The following ATP8A1 variants were observed in gnomAD, a reference collection of about 807,000 sequenced individuals.
ATP8A1 encodes phospholipid-transporting ATPase IA.
ATP8A1 carries 90 observed loss-of-function variants against 177.7 expected under a neutral mutation model. The ratio of observed to expected loss-of-function variants is 0.51; its 90% CI spans 0.43 to 0.60. The LOEUF (loss-of-function observed/expected upper bound fraction) is 0.60, where lower values mean the gene tolerates loss of function less well. Ranked by LOEUF, ATP8A1 falls within the 20% of genes least tolerant of loss-of-function variation. ATP8A1 has a pLI of 0.00. For missense variants in ATP8A1, 1,072 were observed against 1,392.8 expected, an observed-to-expected ratio of 0.77 and a Z score of 3.67; for synonymous variants, 493 against 485.9, an observed-to-expected ratio of 1.01 and a Z score of -0.19.
At chr4:42,433,479 A>C (rs527891981) in intron 33 of ATP8A1, among the ~76,000 whole-genome samples, 9 of 152,218 alleles carry the variant, frequency 5.9e-5, no homozygotes, top group Non-Finnish European at 1.0e-4. Context: ...TTGGGCTCTT[A>C]CATGGGATGG....
At chr4:42,446,210 C>A (rs1717232266) in intron 31 of ATP8A1, among the ~76,000 whole-genome samples, 1 of 151,928 alleles carries the variant, frequency 6.6e-6, no homozygotes, top group Non-Finnish European at 1.5e-5. Context: ...CTATTTCTAC[C>A]CACTGCTCTG....
At chr4:42,532,585 A>C (rs1308235062) in intron 20 of ATP8A1, among the ~76,000 whole-genome samples, 1 of 152,206 alleles carries the variant, frequency 6.6e-6, no homozygotes, top group Non-Finnish European at 1.5e-5. Context: ...GCCCAAAGCA[A>C]TCTATAGATT....
intron 14 of ATP8A1, among the ~76,000 whole-genome samples, chr4:42,572,816 G>C (rs1475515642): frequency 1.3e-5 from 2 of 152,156 alleles, no homozygotes; most frequent in African/African-American, 4.8e-5. Flanking sequence ...TTAAAGAGTA[G>C]GGAATATCTG....
At chr4:42,571,313 A>AT (rs1560472166) in intron 14 of ATP8A1, among the ~76,000 whole-genome samples, 1 of 152,180 alleles carries the variant, frequency 6.6e-6, no homozygotes, top group Non-Finnish European at 1.5e-5. Context: ...TTAAAAACTT[A>AT]TTTTTCATTT....
intron 20 of ATP8A1, 65 bp from the exon 21 acceptor site, chr4:42,524,912 G>A: frequency 9.9e-7 from 1 of 1,014,694 alleles, no homozygotes; most frequent in Non-Finnish European, 1.5e-6. Flanking sequence ...AGTTGATGTT[G>A]GTAACAATAG....
At chr4:42,432,355 G>A (rs1715404052) in intron 33 of ATP8A1, among the ~76,000 whole-genome samples, 1 of 152,148 alleles carries the variant, frequency 6.6e-6, no homozygotes, top group Non-Finnish European at 1.5e-5. Context: ...TAGAATGCTA[G>A]AGTCCTCTCT....
intron 25 of ATP8A1, among the ~76,000 whole-genome samples, chr4:42,480,546 CTTCAT>C (rs1413730671): frequency 6.6e-6 from 1 of 152,102 alleles, no homozygotes; most frequent in Non-Finnish European, 1.5e-5. Context: ...CATTTATTAG[CTTCAT>C]TTGTGCTTTA....
At chr4:42,510,323 A>G (rs1167100225) in intron 22 of ATP8A1, among the ~76,000 whole-genome samples, 1 of 152,218 alleles carries the variant, frequency 6.6e-6, no homozygotes, top group Non-Finnish European at 1.5e-5. Flanking sequence ...TATCATCAAG[A>G]AGTTCAAGCA....
At chr4:42,581,090 T>C (rs553776990) in intron 10 of ATP8A1, among the ~76,000 whole-genome samples, 52 of 152,264 alleles carry the variant, frequency 3.4e-4, no homozygotes, top group African/African-American at 1.2e-3. Flanking sequence ...TCATGCATAA[T>C]CCCTGGTGAA....
In ATP8A1 at chr4:42,459,750, CTT is replaced by C. The variant is rs534320362; in HGVS notation, c.2620-4153_2620-4152del. On this transcript the variant is annotated intron_variant, in intron 27 of 36. Coordinates refer to ENST00000381668, the MANE Select transcript of ATP8A1 (RefSeq NM_006095.2). ...TGAACGAGTAAGTTCATTTACGTAT[CTT>C]GTTTATATTTCCACATATTAGGTTA... Among the ~76,000 whole-genome samples, 476 of 152,124 alleles carry C rather than the reference CTT, an allele frequency of 3.1e-3. 2 individuals carry two copies. The highest frequency in any genetic ancestry group is 6.8e-3 in the Middle Eastern group (2 of 292).
intron 35 of ATP8A1, chr4:42,414,929 T>C (rs1713061173): frequency 1.9e-6 from 1 of 534,874 alleles, no homozygotes; most frequent in Admixed American, 3.2e-5. Flanking sequence ...CTAAGGAGTT[T>C]GGTCCCCAAT....
intron 1 of ATP8A1, 121 bp downstream of exon 1, chr4:42,656,704 G>T: frequency 1.6e-6 from 2 of 1,229,028 alleles, no homozygotes; most frequent in South Asian, 1.9e-5. Context: ...GGCCGGGCGC[G>T]ACAGTCGGAC....
chr4:42,630,426 A>T (rs761579442), intron 1 of ATP8A1, among the ~76,000 whole-genome samples: 5 of 152,172 alleles, frequency 3.3e-5, no homozygotes, highest in Non-Finnish European at 7.4e-5. Context: ...TGACGCTTTT[A>T]TGTCATCCCC....
At chr4:42,619,088 C>T (rs4861206) in intron 4 of ATP8A1, among the ~76,000 whole-genome samples, 2,773 of 151,350 alleles carry the variant, frequency 0.018, 73 homozygotes, top group African/African-American at 0.063. Flanking sequence ...CTCATTCTGT[C>T]GTCCAGGCTG....
intron 12 of ATP8A1, among the ~76,000 whole-genome samples, chr4:42,577,744 G>A (rs1239655054): frequency 6.6e-6 from 1 of 152,098 alleles, no homozygotes; most frequent in Non-Finnish European, 1.5e-5. Flanking sequence ...ATTGTTTACA[G>A]TGTAGAAAAT....
intron 22 of ATP8A1, among the ~76,000 whole-genome samples, chr4:42,518,596 G>A (rs905021102): frequency 2.0e-5 from 3 of 151,998 alleles, no homozygotes; most frequent in African/African-American, 7.2e-5. Context: ...ATGTTTGCTT[G>A]GAAAATTCTG....
chr4:42,535,098 G>GA (rs1026452132), intron 20 of ATP8A1, among the ~76,000 whole-genome samples: 6 of 149,066 alleles, frequency 4.0e-5, no homozygotes, highest in East Asian at 2.0e-4. Context: ...ATAACACAAT[G>GA]AAAAAAAAAG....
chr4:42,433,352 T>C (rs1195727011), intron 33 of ATP8A1, among the ~76,000 whole-genome samples: 1 of 152,202 alleles, frequency 6.6e-6, no homozygotes, highest in Non-Finnish European at 1.5e-5. Flanking sequence ...TCTGTGGGAC[T>C]ACTCCATGAC....
intron 9 of ATP8A1, among the ~76,000 whole-genome samples, chr4:42,583,699 C>T (rs1733336564): frequency 6.6e-6 from 1 of 152,128 alleles, no homozygotes; most frequent in African/African-American, 2.4e-5. Context: ...AAAGGGTCTC[C>T]AAGAGCTTTG....
Sources: allele counts gnomAD v4.1 joint callset (sites outside exome capture counted in the v4.1 genomes callset), GRCh38; gene constraint gnomAD v4.1.1; transcripts MANE v1.5; gene names NCBI Gene and HGNC (gene_info 2026-07-23, HGNC 2026-07-21).